Variants in CFAP61 observed in about 807,000 individuals in gnomAD.
CFAP61 encodes cilia and flagella associated protein 61, also known as cilia- and flagella-associated protein 61.
In CFAP61, 107 loss-of-function variants were observed where a neutral mutation model predicts 135.6. The ratio of observed to expected loss-of-function variants is 0.79; its 90% CI spans 0.67 to 0.93. The LOEUF is 0.93. CFAP61 is among the 40% of genes least tolerant of loss of function. The pLI, the probability that CFAP61 is intolerant of heterozygous loss-of-function variation, is 0.00. For missense variants in CFAP61, 1,507 were observed against 1,556.2 expected, an observed-to-expected ratio of 0.97 and a Z score of 0.53; for synonymous variants, 575 against 578.5, an observed-to-expected ratio of 0.99 and a Z score of 0.09.
rs1167026135 is a variant in CFAP61, at chr20:20,052,555, A to G, written c.-73A>G. The G allele has an allele frequency of 5.0e-6, 8 of 1,613,956 alleles. No homozygotes were observed. Among genetic ancestry groups the G allele is most frequent in the Non-Finnish European group, 6.8e-6 (8 of 1,179,966 alleles). ...CCAGGCTGCGCGTCCTCCTTGCGGC[A>G]GCGCGTGGAGTGCGGCGTCCTGGAG... On this transcript the variant is annotated 5_prime_UTR_variant, in exon 1 of 27. Coordinates refer to ENST00000245957, the MANE Select transcript of CFAP61 (RefSeq NM_015585.4).
rs149691778 is a variant in CFAP61 at position 20,353,082 on chromosome 20, A to G, written c.3514-7128A>G. Among the ~76,000 whole-genome samples the G allele has an allele frequency of 1.8e-3, 269 of 152,358 alleles. 1 individual carries two copies. The highest frequency in any genetic ancestry group is 6.1e-3 in the African/African-American group (252 of 41,588). On this transcript the variant is annotated intron_variant, in intron 26 of 26. Coordinates refer to ENST00000245957, the MANE Select transcript of CFAP61 (RefSeq NM_015585.4). ...ATAAACATAAGCAAAGGACCTGAAT[A>G]GACACTTCTCAAAAGAAGACATACA...
At chr20:20,096,171 C>T (rs1180484876) in intron 7 of CFAP61, among the ~76,000 whole-genome samples, 1 of 151,886 alleles carries the variant, frequency 6.6e-6, no homozygotes, top group Non-Finnish European at 1.5e-5. Context: ...TTTTTCAGTG[C>T]ATACACAAGA....
intron 13 of CFAP61, among the ~76,000 whole-genome samples, chr20:20,182,478 G>A (rs902598574): frequency 1.3e-5 from 2 of 151,862 alleles, no homozygotes; most frequent in African/African-American, 4.8e-5. Context: ...TCAAAATATG[G>A]TCTGGAGTCA....
chr20:20,148,602 A>T (rs1294217482), intron 9 of CFAP61, among the ~76,000 whole-genome samples: 1 of 152,078 alleles, frequency 6.6e-6, no homozygotes, highest in Non-Finnish European at 1.5e-5. Context: ...GGTATATTGT[A>T]GTGCTACTGA....
chr20:20,314,686 A>T (rs866825888), intron 25 of CFAP61, among the ~76,000 whole-genome samples: 17 of 47,912 alleles, frequency 3.5e-4, no homozygotes, highest in Non-Finnish European at 4.8e-4. Flanking sequence ...TCCCTCCCCC[A>T]CCCCCCCACC....
At chr20:20,265,798 A>C (rs2052681805) in intron 21 of CFAP61, 1 of 265,854 alleles carries the variant, frequency 3.8e-6, no homozygotes, top group Non-Finnish European at 7.0e-6. Context: ...AAGTAAAAAA[A>C]GTTAAGAAAA....
chr20:20,060,501 A>G (rs1293416383), intron 2 of CFAP61, among the ~76,000 whole-genome samples: 4 of 152,248 alleles, frequency 2.6e-5, no homozygotes, highest in Non-Finnish European at 5.9e-5. Context: ...ATATGTTAAA[A>G]CTAAGATTCA....
intron 13 of CFAP61, among the ~76,000 whole-genome samples, chr20:20,180,130 G>A (rs1407088968): frequency 1.3e-5 from 2 of 152,102 alleles, no homozygotes; most frequent in African/African-American, 4.8e-5. Flanking sequence ...TCTGACAAAG[G>A]TCTAATATCC....
chr20:20,170,748 T>G (rs1278860486), intron 13 of CFAP61, among the ~76,000 whole-genome samples: 2 of 152,178 alleles, frequency 1.3e-5, no homozygotes, highest in African/African-American at 4.8e-5. Context: ...TAAATGAATT[T>G]TAGCAAATGA....
At chr20:20,128,016 A>G (rs1237446818) in intron 8 of CFAP61, among the ~76,000 whole-genome samples, 3 of 151,658 alleles carry the variant, frequency 2.0e-5, no homozygotes, top group Non-Finnish European at 2.9e-5. Context: ...ATGCAAACCA[A>G]AGGGCCAGTC....
At chr20:20,292,952 G>A (rs530913265) in intron 24 of CFAP61, among the ~76,000 whole-genome samples, 28 of 152,264 alleles carry the variant, frequency 1.8e-4, no homozygotes, top group East Asian at 5.8e-4. Context: ...GGCAGAGAGT[G>A]TCAGGGTCAT....
intron 8 of CFAP61, among the ~76,000 whole-genome samples, chr20:20,117,724 A>G (rs1429904550): frequency 1.3e-5 from 2 of 152,180 alleles, no homozygotes; most frequent in African/African-American, 2.4e-5. Flanking sequence ...ACCATGGATT[A>G]TCTTTCCATT....
intron 26 of CFAP61, among the ~76,000 whole-genome samples, chr20:20,356,631 A>T (rs80351173): frequency 0.13 from 1,624 of 12,778 alleles, 364 homozygotes; most frequent in Non-Finnish European, 0.24. Flanking sequence ...GGTCACACTG[A>T]GAGGAGGTGG....
At chr20:20,057,548 T>C (rs2044462370) in intron 2 of CFAP61, among the ~76,000 whole-genome samples, 1 of 152,238 alleles carries the variant, frequency 6.6e-6, no homozygotes, top group Non-Finnish European at 1.5e-5. Flanking sequence ...AACAGTACGT[T>C]GGAAACCTGG....
At chr20:20,143,578 T>C (rs1224315435) in intron 9 of CFAP61, among the ~76,000 whole-genome samples, 1 of 152,152 alleles carries the variant, frequency 6.6e-6, no homozygotes, top group Non-Finnish European at 1.5e-5. Flanking sequence ...GGCTAAAATA[T>C]AGAAAACACT....
Position 20,263,081 on chromosome 20 carries a change from T to G in CFAP61, c.2454T>G (p.Asp818Glu). ...ATTTCACTCTCAACGAGGAAGAGGA[T>G]TGCTTTAAGGCACTGATTTGGATAA... is the stretch of plus-strand genomic sequence containing the variant. ...CNHFTLNEEEDCFKALIWIRN... is the reference protein window; with the variant it reads ...CNHFTLNEEEECFKALIWIRN... The change falls in exon 21 of 27, where the codon GAT (aspartate) becomes GAG (glutamate). Residue 818 changes from aspartate to glutamate, a missense_variant. Coordinates refer to ENST00000245957, the MANE Select transcript of CFAP61 (RefSeq NM_015585.4). 6.2e-7 allele frequency: 1 copy of G among 1,614,152 alleles called. No homozygotes were observed. Among genetic ancestry groups the G allele is most frequent in the South Asian group, 1.1e-5 (1 of 91,084 alleles).
chr20:20,314,319 G>T (rs143305737), intron 25 of CFAP61, among the ~76,000 whole-genome samples: 3 of 150,516 alleles, frequency 2.0e-5, no homozygotes, highest in Non-Finnish European at 4.4e-5. Flanking sequence ...AAACCTGGGA[G>T]GCAGAGGCTG....
At chr20:20,068,084 A>G (rs927831353) in intron 2 of CFAP61, among the ~76,000 whole-genome samples, 2 of 152,110 alleles carry the variant, frequency 1.3e-5, no homozygotes, top group African/African-American at 4.8e-5. Flanking sequence ...GTACTGTAAG[A>G]CCCAACCAGC....
chr20:20,098,930 C>T, intron 8 of CFAP61, 116 bp downstream of exon 8: 1 of 931,284 alleles, frequency 1.1e-6, no homozygotes. Flanking sequence ...TCCCCAGTTC[C>T]CCTTAAGGAG....
Sources: allele counts gnomAD v4.1 joint callset (sites outside exome capture counted in the v4.1 genomes callset), GRCh38; gene constraint gnomAD v4.1.1; transcripts MANE v1.5; gene names NCBI Gene and HGNC (gene_info 2026-07-23, HGNC 2026-07-21).